PXDNL: variants seen among roughly 807,000 people sequenced by gnomAD.
The protein encoded by PXDNL is peroxidasin like.
In PXDNL, 145 loss-of-function variants were observed where a neutral mutation model predicts 150.8. The ratio of observed to expected loss-of-function variants is 0.96; its 90% CI spans 0.84 to 1.10. The LOEUF (loss-of-function observed/expected upper bound fraction) is 1.10, where lower values mean the gene tolerates loss of function less well. PXDNL is among the 50% of genes least tolerant of loss of function. The pLI, the probability that PXDNL is intolerant of heterozygous loss-of-function variation, is 0.00. For synonymous variants in PXDNL, 757 were observed against 725.7 expected (o/e 1.04, Z -0.69); for missense variants, 2,087 against 1,873.9 (o/e 1.11, Z -2.10).
At chr8:51,804,590 G>A (rs1034776698) in intron 1 of PXDNL, among the ~76,000 whole-genome samples, 12 of 152,070 alleles carry the variant, frequency 7.9e-5, no homozygotes, top group Non-Finnish European at 1.8e-4. Flanking sequence ...TTTCCCATGT[G>A]CAGTAGCTCT....
intron 1 of PXDNL, among the ~76,000 whole-genome samples, chr8:51,722,321 G>A (rs576887749): frequency 6.6e-6 from 1 of 152,346 alleles, no homozygotes; most frequent in South Asian, 2.1e-4. Flanking sequence ...ACGAGCAGGT[G>A]CAGGAGCCAG....
chr8:51,406,793 G>A (rs1325405968), intron 17 of PXDNL, among the ~76,000 whole-genome samples: 3 of 152,136 alleles, frequency 2.0e-5, no homozygotes, highest in Admixed American at 6.5e-5. Flanking sequence ...CGGCTCCCCC[G>A]CACGCTGTCA....
At chr8:51,625,485 AT>A (rs1814344697) in intron 2 of PXDNL, among the ~76,000 whole-genome samples, 1 of 152,210 alleles carries the variant, frequency 6.6e-6, no homozygotes, top group Admixed American at 6.5e-5. Flanking sequence ...TTTAAGATTC[AT>A]TTAAATTGAA....
chr8:51,429,208 T>C (rs1809189236), intron 12 of PXDNL, among the ~76,000 whole-genome samples: 1 of 152,152 alleles, frequency 6.6e-6, no homozygotes, highest in Non-Finnish European at 1.5e-5. Flanking sequence ...GCAGGTAAAC[T>C]GAATTACTCA....
At chr8:51,802,645 G>A (rs1191205947) in intron 1 of PXDNL, among the ~76,000 whole-genome samples, 1 of 152,202 alleles carries the variant, frequency 6.6e-6, no homozygotes, top group Non-Finnish European at 1.5e-5. Context: ...TCTGTTGCCT[G>A]AAACAAAAGG....
At chr8:51,514,081 A>G (rs1198424952) in intron 4 of PXDNL, among the ~76,000 whole-genome samples, 1 of 152,262 alleles carries the variant, frequency 6.6e-6, no homozygotes, top group Non-Finnish European at 1.5e-5. Context: ...TTATTGAAGA[A>G]GAACGCAGAG....
chr8:51,480,573 G>A (rs1810578886), intron 6 of PXDNL, among the ~76,000 whole-genome samples: 1 of 152,138 alleles, frequency 6.6e-6, no homozygotes, highest in Non-Finnish European at 1.5e-5. Context: ...GATTTAGAGG[G>A]GAGAACATCC....
intron 10 of PXDNL, among the ~76,000 whole-genome samples, chr8:51,449,828 G>T (rs1469517966): frequency 6.6e-6 from 1 of 152,176 alleles, no homozygotes. Flanking sequence ...TTTGTAACTG[G>T]AAAGGTGTCC....
At position 51,543,307 on chromosome 8, in the gene PXDNL, A is replaced by G. The variant is rs990963618; in HGVS notation, c.380+13533T>C. Among the ~76,000 whole-genome samples, 4 of 152,310 alleles carry G rather than the reference A, an allele frequency of 2.6e-5. No homozygotes were observed. The South Asian group carries it at 8.3e-4, about 32-fold the overall frequency. On this transcript the variant is annotated intron_variant, in intron 4 of 22. Transcript: ENST00000356297. ...ATGATGAGATAAAAAGTTTATATTT[A>G]ATACATGATGCAATATGTAGCAGTT...
chr8:51,374,768 C>A (rs774537423), intron 17 of PXDNL, 37 bp from the exon 18 acceptor site: 26 of 1,599,224 alleles, frequency 1.6e-5, no homozygotes, highest in Admixed American at 3.5e-5. Flanking sequence ...ACACCTGAGA[C>A]TGAAAGTGGA....
intron 4 of PXDNL, among the ~76,000 whole-genome samples, chr8:51,534,227 G>A (rs2130447330): frequency 7.3e-6 from 1 of 137,112 alleles, no homozygotes; most frequent in Non-Finnish European, 1.5e-5. Context: ...CGTCTGAGAA[G>A]TAAGGAAACC....
chr8:51,402,834 G>T (rs867110369), intron 17 of PXDNL, among the ~76,000 whole-genome samples: 1 of 151,772 alleles, frequency 6.6e-6, no homozygotes, highest in African/African-American at 2.4e-5. Context: ...AGGCTGAGGC[G>T]GGTGGATCAC....
chr8:51,553,771 T>TATATATATATATATATATATATACAC lies in PXDNL; in HGVS notation c.380+3068_380+3069insGTGTATATATATATATATATATATAT, dbSNP rs1236843720. Among the ~76,000 whole-genome samples the TATATATATATATATATATATATACAC allele has an allele frequency of 7.8e-4, 50 of 63,726 alleles. 1 individual carries two copies. The highest frequency in any genetic ancestry group is 4.6e-3 in the African/African-American group (49 of 10,650). The allele number at this position is 63,726 out of a possible 152,430, so 41.8% of individuals were successfully genotyped here. Reference sequence around the variant, plus strand: ...ATATATATATATATATATATATATATACACACACTGAAAATATAAATCTCG... The same window carrying TATATATATATATATATATATATACAC: ...ATATATATATATATATATATATATATATATATATATATATATATATATACACACACACACTGAAAATATAAATCTCG... On this transcript the variant is annotated intron_variant, in intron 4 of 22. Coordinates refer to ENST00000356297, the MANE Select transcript of PXDNL (RefSeq NM_144651.5).
chr8:51,746,448 T>C (rs2036985326), intron 1 of PXDNL, among the ~76,000 whole-genome samples: 1 of 152,180 alleles, frequency 6.6e-6, no homozygotes, highest in Non-Finnish European at 1.5e-5. Context: ...TGTTAGGTAA[T>C]GGATAATTAT....
chr8:51,597,858 G>A (rs1405990286), intron 2 of PXDNL, among the ~76,000 whole-genome samples: 3 of 152,028 alleles, frequency 2.0e-5, no homozygotes, highest in Admixed American at 1.3e-4. Flanking sequence ...GGGATTACAG[G>A]CATGTGCCAC....
At chr8:51,659,585 G>T (rs1815225136) in intron 1 of PXDNL, among the ~76,000 whole-genome samples, 1 of 152,104 alleles carries the variant, frequency 6.6e-6, no homozygotes, top group African/African-American at 2.4e-5. Context: ...ATAGCTCCAA[G>T]TCATGTCAGT....
chr8:51,658,178 C>CA (rs1472348981), intron 1 of PXDNL, among the ~76,000 whole-genome samples: 1 of 151,548 alleles, frequency 6.6e-6, no homozygotes, highest in Non-Finnish European at 1.5e-5. Flanking sequence ...CCCATCTCTA[C>CA]AAAAAATACA....
chr8:51,491,537 C>T (rs558718743), intron 5 of PXDNL, among the ~76,000 whole-genome samples: 7 of 152,326 alleles, frequency 4.6e-5, no homozygotes, highest in African/African-American at 1.7e-4. Flanking sequence ...CATTCCCTGC[C>T]TTCCAAGCCC....
chr8:51,444,230 T>C (rs1359690482), intron 12 of PXDNL, among the ~76,000 whole-genome samples: 1 of 152,188 alleles, frequency 6.6e-6, no homozygotes, highest in Non-Finnish European at 1.5e-5. Context: ...AGGCTGAGGC[T>C]CCAGCAGATT....
Sources: allele counts gnomAD v4.1 joint callset (sites outside exome capture counted in the v4.1 genomes callset), GRCh38; gene constraint gnomAD v4.1.1; transcripts MANE v1.5; gene names NCBI Gene and HGNC (gene_info 2026-07-23, HGNC 2026-07-21).